Variants in WDR17 observed in about 807,000 individuals in gnomAD.
The protein encoded by WDR17 is WD repeat domain 17.
A neutral mutation model predicts 161.7 loss-of-function variants in WDR17; 143 were observed. That is an observed-to-expected ratio of 0.88 (90% CI 0.77 to 1.02). The LOEUF is 1.02. Ranked by LOEUF, WDR17 falls within the 50% of genes least tolerant of loss-of-function variation. WDR17 has a pLI of 0.00. For missense variants in WDR17, 1,469 were observed against 1,520.9 expected (o/e 0.97, Z 0.57); for synonymous variants, 517 against 515.6 (o/e 1.00, Z -0.04).
At chr4:176,167,372 C>T (rs558317914) in intron 22 of WDR17, among the ~76,000 whole-genome samples, 1 of 151,958 alleles carries the variant, frequency 6.6e-6, no homozygotes, top group African/African-American at 2.4e-5. Flanking sequence ...CTTGGCCGGG[C>T]GCGGTGGCTC....
chr4:176,161,164 T>C (rs1041229779), intron 20 of WDR17, among the ~76,000 whole-genome samples, 162 bp downstream of exon 20: 25 of 152,178 alleles, frequency 1.6e-4, no homozygotes, highest in African/African-American at 4.8e-4. Flanking sequence ...TACTCCTAGA[T>C]GAACAGGGAA....
In WDR17 at chr4:176,137,553, G is replaced by A. The variant is rs200199041; in HGVS notation, c.1301G>A (p.Arg434Gln). 292 of 1,601,320 alleles carry A rather than the reference G, an allele frequency of 1.8e-4. 3 individuals are homozygous for A. Among genetic ancestry groups the A allele is most frequent in the East Asian group, 2.3e-5 (1 of 44,392 alleles). Residue 434 changes from arginine (R) to glutamine (Q), a missense_variant, in exon 9 of 29, where the codon CGA (arginine) becomes CAA (glutamine). Arg to Gln is a conservative substitution (Grantham distance 43, BLOSUM62 1). Transcript: ENST00000508596. ...GLNCIAGGTS[R>Q]NGAFIWNVQK... ...AATTGTATTGCTGGGGGAACTTCCC[G>A]AAATGGTGCTTTTATTTGGAATGTT...
intron 19 of WDR17, 113 bp from the exon 20 acceptor site, chr4:176,160,798 A>G (rs1748915221): frequency 1.2e-6 from 1 of 837,392 alleles, no homozygotes; most frequent in Non-Finnish European, 1.7e-6. Context: ...TCTCCAAATT[A>G]TAGTATAAAT....
intron 8 of WDR17, 133 bp from the exon 9 acceptor site, chr4:176,137,387 A>T: frequency 1.6e-6 from 1 of 637,512 alleles, no homozygotes; most frequent in Non-Finnish European, 2.7e-6. Flanking sequence ...TATACAGTTA[A>T]TAATTTCAAT....
At chr4:176,152,117 C>CCTG in intron 17 of WDR17, 150 bp downstream of exon 17, 1 of 657,380 alleles carries the variant, frequency 1.5e-6, no homozygotes, top group Non-Finnish European at 2.4e-6. Context: ...CGATACTAGC[C>CCTG]TGAGCAACAC....
In WDR17 at chr4:176,145,978, C is replaced by G. The variant is rs1432385958; in HGVS notation, c.1530-17C>G. The G allele has an allele frequency of 6.2e-7, 1 of 1,601,890 alleles. No homozygotes were observed. Among genetic ancestry groups the G allele is most frequent in the Admixed American group, 1.7e-5 (1 of 59,816 alleles). ...TCATATTTATCCTATGTCAATATTC[C>G]ATTGATGATATTTCAGAGACATGAT... On this transcript the variant is annotated splice_polypyrimidine_tract_variant and intron_variant, in intron 11 of 28. Transcript: ENST00000508596.
rs1579285777 is a variant in WDR17 at position 176,179,957 on chromosome 4, G to A, written c.*378G>A. ...CACCTAGAATAGTGCTAGACATACA[G>A]TAAGTACTTAATGGATATTTGAATG... On this transcript the variant is annotated 3_prime_UTR_variant, in exon 29 of 29. Coordinates refer to ENST00000508596, the MANE Select transcript of WDR17 (RefSeq NM_181265.4). 1 of 152,198 alleles carries A rather than the reference G, an allele frequency of 6.6e-6. No homozygotes were observed. The highest frequency in any genetic ancestry group is 2.4e-5 in the African/African-American group (1 of 41,426). 9.4% of individuals were successfully genotyped at this position (152,198 alleles called of 1,614,324 possible). A position where few individuals can be genotyped will look rare whatever the true frequency, so the allele number is the denominator to read the frequency against.
intron 9 of WDR17, among the ~76,000 whole-genome samples, chr4:176,139,187 A>G (rs758252265): frequency 1.9e-4 from 29 of 151,970 alleles, no homozygotes; most frequent in Non-Finnish European, 4.0e-4. Flanking sequence ...GAATTTAAGT[A>G]CTATATAAAG....
At chr4:176,166,918 T>C (rs930587285) in intron 22 of WDR17, among the ~76,000 whole-genome samples, 2 of 152,166 alleles carry the variant, frequency 1.3e-5, no homozygotes, top group African/African-American at 4.8e-5. Context: ...CAATTCTCTT[T>C]TGACATTATC....
intron 8 of WDR17, among the ~76,000 whole-genome samples, chr4:176,135,803 T>C (rs1430465785): frequency 2.0e-5 from 3 of 151,534 alleles, no homozygotes; most frequent in African/African-American, 7.2e-5. Context: ...CCTCTGACAT[T>C]TTCTCCCAAA....
chr4:176,159,336 A>AG (rs1231376421), intron 18 of WDR17, among the ~76,000 whole-genome samples: 2 of 132,942 alleles, frequency 1.5e-5, no homozygotes, highest in African/African-American at 3.1e-5. Context: ...GAGAGAGAGA[A>AG]AGGGAGAGAG....
chr4:176,097,714 C>T (rs1229070796), intron 1 of WDR17, among the ~76,000 whole-genome samples: 1 of 141,720 alleles, frequency 7.1e-6, no homozygotes, highest in Non-Finnish European at 1.5e-5. Context: ...TACTTCAAGC[C>T]CCACTTACAC....
At chr4:176,105,074 A>G (rs140194317) in intron 1 of WDR17, among the ~76,000 whole-genome samples, 6 of 152,120 alleles carry the variant, frequency 3.9e-5, no homozygotes, top group African/African-American at 1.4e-4. Context: ...AAAAGAAAGC[A>G]GGCATGCCCT....
chr4:176,153,655 GTTAA>G (rs1469079026), intron 17 of WDR17, among the ~76,000 whole-genome samples: 1 of 152,146 alleles, frequency 6.6e-6, no homozygotes, highest in African/African-American at 2.4e-5. Context: ...GTTTAAGTTA[GTTAA>G]TTGTGTAGCT....
chr4:176,168,894 T>C (rs1750283680), intron 23 of WDR17, 111 bp downstream of exon 23: 2 of 1,284,860 alleles, frequency 1.6e-6, no homozygotes, highest in Non-Finnish European at 2.1e-6. Context: ...GTGGTCCCTT[T>C]GGGGTACCTA....
Position 176,135,130 on chromosome 4 carries a change from A to G in WDR17, c.1121A>G (p.Asp374Gly), listed in dbSNP as rs932382594. 1 of 1,611,946 alleles carries G rather than the reference A, an allele frequency of 6.2e-7. No homozygotes were observed. Among genetic ancestry groups the G allele is most frequent in the African/African-American group, 1.3e-5 (1 of 74,802 alleles). ...TAGGGACATGTGGAAACTATCTTTG[A>G]CTGCAAATTCAAACCTGACGATCCT... ...RDLGHVETIF[D>G]CKFKPDDPNL... Residue 374 changes from aspartate to glycine, a missense_variant, in exon 8 of 29, where the codon GAC becomes GGC. Asp to Gly is a moderately conservative substitution (Grantham distance 94). Transcript: ENST00000508596.
At chr4:176,083,329 C>A (rs1450809431) in intron 1 of WDR17, among the ~76,000 whole-genome samples, 2 of 152,114 alleles carry the variant, frequency 1.3e-5, no homozygotes, top group African/African-American at 2.4e-5. Context: ...AGAGGCAATT[C>A]TTCCCTTAGG....
chr4:176,164,580 AG>A (rs1749493128), intron 22 of WDR17, among the ~76,000 whole-genome samples: 1 of 152,232 alleles, frequency 6.6e-6, no homozygotes, highest in Admixed American at 6.5e-5. Flanking sequence ...AATCCAAAAA[AG>A]TCTGAAATCT....
intron 22 of WDR17, among the ~76,000 whole-genome samples, chr4:176,167,742 T>C (rs1750091432): frequency 6.6e-6 from 1 of 151,322 alleles, no homozygotes. Context: ...ACTCCTCACC[T>C]AGTGATTTGA....
Sources: gnomAD v4.1 joint callset for allele counts (sites outside exome capture counted in the v4.1 genomes callset) on GRCh38, gnomAD v4.1.1 for gene constraint, MANE v1.5 for transcripts, NCBI Gene and HGNC (gene_info 2026-07-23, HGNC 2026-07-21) for gene names.